The following ZFYVE26 variants were observed in gnomAD, a reference collection of about 807,000 sequenced individuals.
ZFYVE26 encodes the protein zinc finger FYVE-type containing 26, also known as zinc finger FYVE domain-containing protein 26.
A neutral mutation model predicts 276.5 loss-of-function variants in ZFYVE26; 181 were observed. The ratio of observed to expected loss-of-function variants is 0.65; its 90% CI spans 0.58 to 0.74. The LOEUF (loss-of-function observed/expected upper bound fraction) is 0.74. Among genes scored for constraint, ZFYVE26 ranks in the 30% least tolerant of loss-of-function variants. The probability of loss-of-function intolerance (pLI) is 0.00; values close to 1 mark genes in which losing one functional copy is unlikely to be tolerated. For missense variants in ZFYVE26, 2,821 were observed against 3,097.9 expected (o/e 0.91, Z 2.12); for synonymous variants, 1,129 against 1,203.1 (o/e 0.94, Z 1.27).
At chr14:67,794,111 T>C in intron 13 of ZFYVE26, 60 bp downstream of exon 13, 1 of 1,552,440 alleles carries the variant, frequency 6.4e-7, no homozygotes, top group Non-Finnish European at 8.9e-7. Context: ...CCATGGTGTA[T>C]GGCAACTCTA....
In ZFYVE26 at chr14:67,755,172, G is replaced by A. The variant is rs1274428549; in HGVS notation, c.6865C>T (p.Leu2289Phe). The A allele has an allele frequency of 6.2e-7, 1 of 1,614,054 alleles. No individual in the cohort carries two copies. Among genetic ancestry groups the A allele is most frequent in the African/African-American group, 1.3e-5 (1 of 74,928 alleles). ...AKSYTELGEK[L>F]SWLLKAKDHL... is the part of the protein sequence containing the mutation. ...TCCTTGGCCTTAAGTAGCCATGAGA[G>A]CTTCTCTCCCAGTTCTGTATATGAC... Residue 2289 changes from leucine (L) to phenylalanine (F), a missense_variant, in exon 37 of 42, where the codon CTC (leucine) becomes TTC (phenylalanine). Leu to Phe is a conservative substitution (Grantham distance 22). Transcript: ENST00000347230.
chr14:67,781,249 A>G (rs2039490043), intron 22 of ZFYVE26, 84 bp downstream of exon 22: 2 of 1,509,076 alleles, frequency 1.3e-6, no homozygotes, highest in Non-Finnish European at 1.8e-6. Flanking sequence ...TCTCTTTCTT[A>G]AAGTCCCCCA....
intron 8 of ZFYVE26, 52 bp from the exon 9 acceptor site, chr14:67,804,316 G>T: frequency 6.3e-7 from 1 of 1,595,076 alleles, no homozygotes; most frequent in Non-Finnish European, 8.6e-7. Context: ...ATTATTGCTC[G>T]AAGAAAGATC....
intron 28 of ZFYVE26, among the ~76,000 whole-genome samples, chr14:67,771,813 A>C (rs2039217061): frequency 2.6e-5 from 4 of 152,100 alleles, no homozygotes; most frequent in African/African-American, 7.2e-5. Flanking sequence ...TTATTATCTC[A>C]TGACAATGGC....
At chr14:67,784,246 A>T in intron 20 of ZFYVE26, 88 bp downstream of exon 20, 1 of 1,111,418 alleles carries the variant, frequency 9.0e-7, no homozygotes. Context: ...CTCTGTGCTA[A>T]CCCCAAGCAC....
At chr14:67,814,112 C>T (rs2040353624) in intron 2 of ZFYVE26, 48 bp from the exon 3 acceptor site, 1 of 1,470,454 alleles carries the variant, frequency 6.8e-7, no homozygotes, top group South Asian at 1.2e-5. Context: ...TTCTACTGAT[C>T]TTTCATCTTT....
Position 67,782,882 on chromosome 14 carries a change from TG to T in ZFYVE26, c.4269del (p.Arg1424GlufsTer20). Reference sequence around the variant, plus strand: ...AGCTGAAGGGCCCGGGACCAATCTCTGGCCACCAAGGATTCCTCAAAAGCCT... The same window carrying T: ...AGCTGAAGGGCCCGGGACCAATCTCTGCCACCAAGGATTCCTCAAAAGCCT... ...LSEAFEESLV[A>X]RDWSRALQLT... On this transcript the variant is annotated frameshift_variant, in exon 21 of 42. Transcript: ENST00000347230. LOFTEE classifies it high-confidence loss of function. 1.2e-6 allele frequency: 2 copies of T among 1,614,194 alleles called. No individual in the cohort carries two copies. The highest frequency in any genetic ancestry group is 1.7e-6 in the Non-Finnish European group (2 of 1,180,034).
chr14:67,738,297 T>C (rs139056431), intron 13 of ZFYVE26, among the ~76,000 whole-genome samples: 4 of 150,178 alleles, frequency 2.7e-5, no homozygotes, highest in Non-Finnish European at 5.9e-5. Flanking sequence ...TAATCTGTGG[T>C]ATGATTATAC....
In ZFYVE26 at chr14:67,766,310, C is replaced by T. The variant is rs780544451; in HGVS notation, c.5928G>A (p.Thr1976=). The T allele has an allele frequency of 7.4e-6, 12 of 1,613,568 alleles. No homozygotes were observed. Among genetic ancestry groups the T allele is most frequent in the Middle Eastern group, 1.8e-4 (1 of 5,670 alleles). ...TGAACAGCAGCTGCTTCATGATGTC[C>T]GTGAGCAGCCCGGCATCCACCTCTG... ...TNPEVDAGLL[T]DIMKQLLFSA... Residue 1976 remains threonine (T), a synonymous_variant, in exon 32 of 42, where the codon ACG becomes ACA. Coordinates refer to ENST00000347230, the MANE Select transcript of ZFYVE26 (RefSeq NM_015346.4).
intron 2 of ZFYVE26, 21 bp from the exon 3 acceptor site, chr14:67,814,085 G>T: frequency 1.3e-6 from 2 of 1,592,612 alleles, no homozygotes; most frequent in Non-Finnish European, 1.7e-6. Context: ...TAAAAAGAAA[G>T]ACTTGTAAAA....
intron 41 of ZFYVE26, among the ~76,000 whole-genome samples, chr14:67,748,986 C>T (rs112534979): frequency 3.9e-5 from 6 of 152,170 alleles, no homozygotes; most frequent in East Asian, 3.9e-4. Context: ...GCATTGCTCT[C>T]GCCCAGAGTT....
intron 28 of ZFYVE26, chr14:67,770,557 A>G (rs899858220): frequency 1.3e-5 from 2 of 152,158 alleles, no homozygotes; most frequent in Non-Finnish European, 2.9e-5. Flanking sequence ...TCAATTCAGA[A>G]TGTCTCATCA....
chr14:67,761,515 C>T lies in ZFYVE26; in HGVS notation c.6439G>A (p.Ala2147Thr), dbSNP rs2038928498. 5 of 1,614,204 alleles carry T rather than the reference C, an allele frequency of 3.1e-6. No homozygotes were observed. The highest frequency in any genetic ancestry group is 4.2e-6 in the Non-Finnish European group (5 of 1,180,036). ...ATLRTQSLSL[A>T]VIPEGKIMNN... ...ATGATTTTCCCTTCAGGAATCACTG[C>T]CAGAGAAAGGCTCTGCGTCCGAAGG... is the stretch of plus-strand genomic sequence containing the variant. Residue 2147 changes from alanine (A) to threonine (T), a missense_variant, in exon 35 of 42, where the codon GCA (alanine) becomes ACA (threonine). Ala to Thr is a moderately conservative substitution (Grantham distance 58). Coordinates refer to ENST00000347230, the MANE Select transcript of ZFYVE26 (RefSeq NM_015346.4).
At chr14:67,761,240 T>C in intron 35 of ZFYVE26, 126 bp downstream of exon 35, 2 of 892,220 alleles carry the variant, frequency 2.2e-6, no homozygotes, top group Non-Finnish European at 3.6e-6. Flanking sequence ...TTGACTCTGC[T>C]AGAGATGGCC....
At chr14:67,759,648 T>C (rs982475098) in intron 35 of ZFYVE26, among the ~76,000 whole-genome samples, 1 of 131,690 alleles carries the variant, frequency 7.6e-6, no homozygotes, top group African/African-American at 2.9e-5. Context: ...AAGTGCATGG[T>C]ATATCAGGAA....
Position 67,807,789 on chromosome 14 carries a change from G to A in ZFYVE26, c.495C>T (p.Pro165=). ...GCTCCAGCAGGGCCTGTGCTGGCTGGGGAGACTGCCTCAGGAGATCCCAGA... is the reference window on the plus strand; with the variant it reads ...GCTCCAGCAGGGCCTGTGCTGGCTGAGGAGACTGCCTCAGGAGATCCCAGA... ...SVLWDLLRQS[P]QPAQALLELL... Residue 165 remains proline, a synonymous_variant, in exon 5 of 42, where the codon CCC becomes CCT. Transcript: ENST00000347230. 2 of 1,614,174 alleles carry A rather than the reference G, an allele frequency of 1.2e-6. No homozygotes were observed. The highest frequency in any genetic ancestry group is 1.7e-6 in the Non-Finnish European group (2 of 1,180,032).
chr14:67,743,988 G>A (rs1206586642), downstream of ZFYVE26, among the ~76,000 whole-genome samples: 1 of 152,190 alleles, frequency 6.6e-6, no homozygotes, highest in Non-Finnish European at 1.5e-5. Context: ...GAGCAGGAAA[G>A]CATTCCACCA....
chr14:67,766,635 C>A (rs1040785593), intron 31 of ZFYVE26, among the ~76,000 whole-genome samples, 188 bp from the exon 32 acceptor site: 2 of 152,180 alleles, frequency 1.3e-5, no homozygotes, highest in East Asian at 3.8e-4. Flanking sequence ...AGTAGCACTG[C>A]CAAAACTCTG....
intron 13 of ZFYVE26, among the ~76,000 whole-genome samples, chr14:67,732,640 G>A (rs1342479193): frequency 6.6e-6 from 1 of 151,860 alleles, no homozygotes; most frequent in Non-Finnish European, 1.5e-5. Flanking sequence ...TCAGTGGCGT[G>A]ATCTCCACTC....
Sources: gnomAD v4.1 joint callset for allele counts (sites outside exome capture counted in the v4.1 genomes callset) on GRCh38, gnomAD v4.1.1 for gene constraint, MANE v1.5 for transcripts, NCBI Gene and HGNC (gene_info 2026-07-23, HGNC 2026-07-21) for gene names.